The following CNKSR2 variants were observed in gnomAD, a reference collection of about 807,000 sequenced individuals.
CNKSR2 encodes connector enhancer of kinase suppressor of Ras 2.
Under a neutral mutation model 84.4 loss-of-function variants are expected in CNKSR2, and 14 were observed. That is an observed-to-expected ratio of 0.17 (90% CI 0.11 to 0.26). The LOEUF (loss-of-function observed/expected upper bound fraction) is 0.26, where lower values mean the gene tolerates loss of function less well. Ranked by LOEUF, CNKSR2 falls within the 10% of genes least tolerant of loss-of-function variation. The probability of loss-of-function intolerance (pLI) is 1.00; values close to 1 mark genes in which losing one functional copy is unlikely to be tolerated. For missense variants in CNKSR2, 485 were observed against 771.2 expected (o/e 0.63, Z 4.40); for synonymous variants, 275 against 277.9 (o/e 0.99, Z 0.10).
At position 21,395,295 on chromosome X, in the gene CNKSR2, T is replaced by C. The variant is rs986953189; in HGVS notation, c.64+20334T>C. 5.4e-5 allele frequency among the ~76,000 whole-genome samples: 6 copies of C among 112,068 alleles called. No homozygotes were observed. The Admixed American group carries it at 5.7e-4, about 11-fold the overall frequency. On this transcript the variant is annotated intron_variant, in intron 1 of 21. Transcript: ENST00000379510. ...ATACACAAATTTATTAAGAGCTTTC[T>C]TTTAATCCGTATAATAGTGTAACAA...
At chrX:21,535,092 A>G (rs1419906734) in intron 11 of CNKSR2, among the ~76,000 whole-genome samples, 1 of 110,987 alleles carries the variant, frequency 9.0e-6, no homozygotes, top group Non-Finnish European at 1.9e-5. Context: ...CATTTTTCTG[A>G]ATATGGATAT....
chrX:21,561,835 G>A (rs774040411), intron 12 of CNKSR2, among the ~76,000 whole-genome samples: 1 of 110,509 alleles, frequency 9.0e-6, no homozygotes, highest in African/African-American at 3.3e-5. Flanking sequence ...TGGAACACAA[G>A]GTCAGGAGTG....
intron 13 of CNKSR2, among the ~76,000 whole-genome samples, chrX:21,564,410 G>T (rs749363278): frequency 9.0e-6 from 1 of 111,562 alleles, no homozygotes; most frequent in African/African-American, 3.3e-5. Flanking sequence ...GATAATGGCC[G>T]TGTGGAAGCT....
intron 6 of CNKSR2, chrX:21,495,822 A>AAAC (rs1231075186): frequency 1.3e-5 from 1 of 75,877 alleles, no homozygotes; most frequent in African/African-American, 4.9e-5. Flanking sequence ...AAAAAAAAAA[A>AAAC]CACGAAAAAT....
intron 18 of CNKSR2, among the ~76,000 whole-genome samples, chrX:21,605,412 G>T (rs1018901857): frequency 8.9e-6 from 1 of 112,282 alleles, no homozygotes; most frequent in Non-Finnish European, 1.9e-5. Flanking sequence ...CAGAGTCTTC[G>T]TATTTTGAGG....
intron 20 of CNKSR2, among the ~76,000 whole-genome samples, chrX:21,639,541 T>C (rs1006831021): frequency 4.5e-5 from 5 of 111,989 alleles, no homozygotes; most frequent in Admixed American, 9.5e-5. Flanking sequence ...GCCTCTTTCA[T>C]TTTGCCATAA....
chrX:21,377,023 C>T (rs2089827642), intron 1 of CNKSR2, among the ~76,000 whole-genome samples: 1 of 112,388 alleles, frequency 8.9e-6, no homozygotes, highest in African/African-American at 3.2e-5. Context: ...ACATTGTTAG[C>T]TGTGATTTGA....
chrX:21,460,270 A>C (rs1473212699), intron 4 of CNKSR2, among the ~76,000 whole-genome samples: 5 of 112,331 alleles, frequency 4.5e-5, no homozygotes, highest in South Asian at 7.3e-4. Flanking sequence ...CACAAAATAA[A>C]ATTGTTTTAA....
chrX:21,446,107 A>G (rs1405652750), intron 4 of CNKSR2, among the ~76,000 whole-genome samples: 1 of 111,632 alleles, frequency 9.0e-6, no homozygotes, highest in African/African-American at 3.2e-5. Context: ...CTTTTAATTC[A>G]GTTCAATTAT....
intron 5 of CNKSR2, among the ~76,000 whole-genome samples, chrX:21,477,443 A>T (rs1200310841): frequency 9.6e-6 from 1 of 104,187 alleles, no homozygotes; most frequent in Non-Finnish European, 2.0e-5. Context: ...TTCTTTTGTT[A>T]CTTAGGTTTG....
In CNKSR2 at chrX:21,631,031, A is replaced by T. The variant is rs756341211; in HGVS notation, c.2693-17800A>T. Among the ~76,000 whole-genome samples, 510 of 106,612 alleles carry T rather than the reference A, an allele frequency of 4.8e-3. 5 individuals are homozygous for T. The highest frequency in any genetic ancestry group is 0.033 in the East Asian group (115 of 3,487). The allele number at this position is 106,612 out of a possible 115,157, so 92.6% of individuals were successfully genotyped here. A position where few individuals can be genotyped will look rare whatever the true frequency, so the allele number is the denominator to read the frequency against. Reference sequence around the variant, plus strand: ...ATTTTTAATATTGGGATTTTTTTTTAAAAAAAAAGAAAAACTGGCTGGGCC... The same window carrying T: ...ATTTTTAATATTGGGATTTTTTTTTTAAAAAAAAGAAAAACTGGCTGGGCC... On this transcript the variant is annotated intron_variant, in intron 20 of 21. Transcript: ENST00000379510.
intron 20 of CNKSR2, among the ~76,000 whole-genome samples, chrX:21,630,447 G>T (rs192288517): frequency 6.3e-5 from 7 of 111,355 alleles, no homozygotes; most frequent in African/African-American, 9.8e-5. Flanking sequence ...AGGTCTTTAC[G>T]TAATATAAGT....
intron 8 of CNKSR2, 93 bp from the exon 9 acceptor site, chrX:21,516,392 C>CT (rs397841414): frequency 3.9e-3 from 3,188 of 812,677 alleles, no homozygotes; most frequent in Non-Finnish European, 4.5e-3. Context: ...AATTATGTGA[C>CT]TTTTTTTTTT....
rs1331809035 is a variant in CNKSR2 at position 21,548,683 on chromosome X, G to A, written c.1304-12788G>A. Among the ~76,000 whole-genome samples the A allele has an allele frequency of 3.6e-5, 4 of 111,864 alleles. No homozygotes were observed. In the Admixed American group the frequency reaches 3.8e-4, roughly 11 times the overall value. On this transcript the variant is annotated intron_variant, in intron 11 of 21. Transcript: ENST00000379510. ...TGTGAAAATCCTCAATAAAATACTG[G>A]CAAACCAAATCCAGCAGCACATCTA... is the stretch of plus-strand genomic sequence containing the variant.
chrX:21,532,325 G>A (rs1283886277), intron 11 of CNKSR2: 1 of 208,246 alleles, frequency 4.8e-6, no homozygotes, highest in East Asian at 8.4e-5. Flanking sequence ...AATCTTTTTA[G>A]CATCACATGT....
intron 6 of CNKSR2, among the ~76,000 whole-genome samples, chrX:21,496,887 C>T (rs1391951728): frequency 3.6e-5 from 4 of 110,150 alleles, no homozygotes; most frequent in African/African-American, 6.6e-5. Context: ...AGTTTTTCCC[C>T]GAAAATAAAT....
chrX:21,611,449 C>T (rs998556660), intron 20 of CNKSR2, among the ~76,000 whole-genome samples: 1 of 112,223 alleles, frequency 8.9e-6, no homozygotes, highest in Non-Finnish European at 1.9e-5. Flanking sequence ...AAGCTAGGCA[C>T]TTAACAGTTC....
chrX:21,455,416 A>G (rs1484167199), intron 4 of CNKSR2, among the ~76,000 whole-genome samples: 1 of 112,049 alleles, frequency 8.9e-6, no homozygotes, highest in African/African-American at 3.2e-5. Context: ...TCTTCTTTCT[A>G]TGGTTTCAGT....
Position 21,606,624 on chromosome X carries a change from T to C in CNKSR2, c.2045-155T>C, listed in dbSNP as rs1176885144. The C allele has an allele frequency of 1.7e-5, 6 of 359,856 alleles. 1 individual carries two copies. Among genetic ancestry groups the C allele is most frequent in the Non-Finnish European group, 2.8e-5 (6 of 211,166 alleles). 29.7% of individuals were successfully genotyped at this position (359,856 alleles called of 1,213,427 possible). A position where few individuals can be genotyped will look rare whatever the true frequency, so the allele number is the denominator to read the frequency against. On this transcript the variant is annotated intron_variant, in intron 18 of 21. Coordinates refer to ENST00000379510, the MANE Select transcript of CNKSR2 (RefSeq NM_014927.5). ...TTTCTCCTCAAAACTCAACTGAAAA[T>C]AAAAGTTGGTAGGCCAAGGGTAAGG...
Sources: allele counts gnomAD v4.1 joint callset (sites outside exome capture counted in the v4.1 genomes callset), GRCh38; gene constraint gnomAD v4.1.1; transcripts MANE v1.5; gene names NCBI Gene and HGNC (gene_info 2026-07-23, HGNC 2026-07-21).